VTA1: variants seen among roughly 807,000 people sequenced by gnomAD.
VTA1 encodes the protein vesicle trafficking 1.
A neutral mutation model predicts 36.9 loss-of-function variants in VTA1; 24 were observed. That is an observed-to-expected ratio of 0.65 (90% CI 0.47 to 0.91). The LOEUF is 0.91. Ranked by LOEUF, VTA1 falls within the 40% of genes least tolerant of loss-of-function variation. The pLI, the probability that VTA1 is intolerant of heterozygous loss-of-function variation, is 0.00. For missense variants in VTA1, 393 were observed against 377.2 expected (o/e 1.04, Z -0.35); for synonymous variants, 142 against 130.2 (o/e 1.09, Z -0.62).
At position 142,206,543 on chromosome 6, in the gene VTA1, A is replaced by G. The variant is rs111885652; in HGVS notation, c.778+2478A>G. On this transcript the variant is annotated intron_variant, in intron 7 of 7. Coordinates refer to ENST00000367630, the MANE Select transcript of VTA1 (RefSeq NM_016485.5). ...TCCCAGCTTGGTCTATAGATTATGGACAGTTCCCATCAAAATCCCAGCAAG... is the reference window on the plus strand; with the variant it reads ...TCCCAGCTTGGTCTATAGATTATGGGCAGTTCCCATCAAAATCCCAGCAAG... Among the ~76,000 whole-genome samples the G allele has an allele frequency of 6.8e-3, 1,030 of 152,298 alleles. 13 individuals carry two copies. The highest frequency in any genetic ancestry group is 0.024 in the African/African-American group (982 of 41,552).
intron 1 of VTA1, among the ~76,000 whole-genome samples, chr6:142,150,755 A>G (rs1778552637): frequency 1.3e-5 from 2 of 152,162 alleles, no homozygotes; most frequent in Non-Finnish European, 2.9e-5. Context: ...TGTACTAAAA[A>G]TACAAAATTA....
chr6:142,161,372 CGT>C (rs910687375), intron 1 of VTA1, among the ~76,000 whole-genome samples: 26 of 151,844 alleles, frequency 1.7e-4, no homozygotes, highest in Non-Finnish European at 3.8e-4. Context: ...TATCTTTTTG[CGT>C]GTGTTTTTAT....
chr6:142,159,207 A>G (rs903338467), intron 1 of VTA1, among the ~76,000 whole-genome samples: 6 of 151,824 alleles, frequency 4.0e-5, no homozygotes, highest in South Asian at 2.1e-4. Flanking sequence ...CAAAAATACA[A>G]TAAGAAATTA....
At chr6:142,165,602 TACAG>T (rs1222896973) in intron 1 of VTA1, among the ~76,000 whole-genome samples, 1 of 152,180 alleles carries the variant, frequency 6.6e-6, no homozygotes, top group Non-Finnish European at 1.5e-5. Flanking sequence ...AGGGGTAAAT[TACAG>T]ACATTGTATG....
intron 7 of VTA1, among the ~76,000 whole-genome samples, chr6:142,212,137 C>T (rs1009312516): frequency 2.0e-5 from 3 of 152,148 alleles, no homozygotes; most frequent in Non-Finnish European, 2.9e-5. Flanking sequence ...ATACATTTAC[C>T]TTAGGATCCT....
At chr6:142,176,514 CTG>C (rs1474906241) in intron 4 of VTA1, among the ~76,000 whole-genome samples, 3 of 151,934 alleles carry the variant, frequency 2.0e-5, no homozygotes, top group Non-Finnish European at 4.4e-5. Flanking sequence ...AGTGAGAAAA[CTG>C]AGGGTCAGAA....
At chr6:142,154,925 G>A (rs1195940158) in intron 1 of VTA1, among the ~76,000 whole-genome samples, 1 of 151,812 alleles carries the variant, frequency 6.6e-6, no homozygotes, top group Non-Finnish European at 1.5e-5. Context: ...AATGTGAGTT[G>A]GATTAAAAAC....
At chr6:142,167,824 G>C (rs1201861889) in intron 2 of VTA1, among the ~76,000 whole-genome samples, 1 of 152,176 alleles carries the variant, frequency 6.6e-6, no homozygotes, top group African/African-American at 2.4e-5. Context: ...TCTCTTTCTA[G>C]GGAATGGGTT....
Position 142,147,389 on chromosome 6 carries a change from G to A in VTA1, c.102G>A (p.Val34=). 2 of 1,614,038 alleles carry A rather than the reference G, an allele frequency of 1.2e-6. No individual in the cohort carries two copies. Among genetic ancestry groups the A allele is most frequent in the Non-Finnish European group, 1.7e-6 (2 of 1,179,976 alleles). ...AGCATGACAAGCGAGACCCTGTGGT[G>A]GCTTATTACTGTGAGTCTTTCCGAG... The part of the protein sequence containing the change: ...AQEHDKRDPV[V]AYYCRLYAMQ... Residue 34 remains valine (V), a synonymous_variant, in exon 1 of 8, where the codon GTG becomes GTA. Coordinates refer to ENST00000367630, the MANE Select transcript of VTA1 (RefSeq NM_016485.5).
At chr6:142,168,132 GT>G (rs1279764014) in intron 2 of VTA1, among the ~76,000 whole-genome samples, 3 of 152,136 alleles carry the variant, frequency 2.0e-5, no homozygotes, top group African/African-American at 7.2e-5. Flanking sequence ...AGTATATTAT[GT>G]TTTTGCTGTC....
intron 7 of VTA1, among the ~76,000 whole-genome samples, chr6:142,217,540 C>G (rs564844281): frequency 2.6e-5 from 4 of 151,230 alleles, no homozygotes; most frequent in African/African-American, 9.7e-5. Flanking sequence ...TAATTTTATG[C>G]TGCGTGTGTG....
rs1216787097 is a variant in VTA1 at position 142,223,059 on chromosome 6, A to T, written c.*4416A>T. ...CCTGTTACATTGTAAGTACAATGAG[A>T]TGTTATGAGTTCCACATTATCAAGG... is the stretch of plus-strand genomic sequence containing the variant. On this transcript the variant is annotated 3_prime_UTR_variant, in exon 8 of 8. Coordinates refer to ENST00000367630, the MANE Select transcript of VTA1 (RefSeq NM_016485.5). 6.6e-6 allele frequency: 1 copy of T among 152,184 alleles called. No individual in the cohort carries two copies. The highest frequency in any genetic ancestry group is 2.4e-5 in the African/African-American group (1 of 41,444). The allele number at this position is 152,184 out of a possible 1,614,324, so 9.4% of individuals were successfully genotyped here.
At chr6:142,169,361 G>A (rs1774985599) in intron 2 of VTA1, among the ~76,000 whole-genome samples, 189 bp from the exon 3 acceptor site, 1 of 152,120 alleles carries the variant, frequency 6.6e-6, no homozygotes. Context: ...AAAGTTGTAA[G>A]CATTGGATTT....
At chr6:142,172,823 A>G (rs1775052869) in intron 4 of VTA1, among the ~76,000 whole-genome samples, 1 of 152,196 alleles carries the variant, frequency 6.6e-6, no homozygotes. Context: ...TAGAAGAGTA[A>G]GTCATAAGCC....
Position 142,221,952 on chromosome 6 carries a change from C to T in VTA1, c.*3309C>T, listed in dbSNP as rs1300596857. 1 of 149,628 alleles carries T rather than the reference C, an allele frequency of 6.7e-6. No individual in the cohort carries two copies. The allele number at this position is 149,628 out of a possible 1,614,324, so 9.3% of individuals were successfully genotyped here. The stretch of plus-strand genomic sequence containing the variant: ...TGCCACTGCACTCCAGCCTGGGCGA[C>T]AGAGCGAGACTCCTTCTCAAAAAAA... On this transcript the variant is annotated 3_prime_UTR_variant, in exon 8 of 8. Coordinates refer to ENST00000367630, the MANE Select transcript of VTA1 (RefSeq NM_016485.5).
intron 1 of VTA1, among the ~76,000 whole-genome samples, chr6:142,148,695 G>A (rs893562552): frequency 1.3e-5 from 2 of 152,256 alleles, no homozygotes; most frequent in Admixed American, 1.3e-4. Context: ...GCAAGGAAAA[G>A]GAATAAGAGT....
intron 1 of VTA1, among the ~76,000 whole-genome samples, chr6:142,148,293 C>G (rs1475312019): frequency 6.6e-6 from 1 of 152,162 alleles, no homozygotes; most frequent in African/African-American, 2.4e-5. Flanking sequence ...CAAATGTACC[C>G]TGTTTCTCAA....
At chr6:142,195,699 C>T (rs1775532785) in intron 5 of VTA1, among the ~76,000 whole-genome samples, 1 of 149,574 alleles carries the variant, frequency 6.7e-6, no homozygotes, top group Non-Finnish European at 1.5e-5. Flanking sequence ...TTTCAGTTTC[C>T]CTCTAAGCAT....
intron 1 of VTA1, among the ~76,000 whole-genome samples, chr6:142,161,336 A>G (rs1774805392): frequency 6.6e-6 from 1 of 152,182 alleles, no homozygotes; most frequent in Non-Finnish European, 1.5e-5. Flanking sequence ...AACCTATCAA[A>G]GCCTCACTCC....
Sources: allele counts gnomAD v4.1 joint callset (sites outside exome capture counted in the v4.1 genomes callset), GRCh38; gene constraint gnomAD v4.1.1; transcripts MANE v1.5; gene names NCBI Gene and HGNC (gene_info 2026-07-23, HGNC 2026-07-21).